Variants in RANBP2 observed in about 807,000 individuals in gnomAD.
RANBP2 encodes E3 SUMO-protein ligase RanBP2.
RANBP2 carries 57 observed loss-of-function variants against 303.6 expected under a neutral mutation model. The observed-to-expected ratio is 0.19, with a 90% confidence interval of 0.15 to 0.23. The LOEUF (loss-of-function observed/expected upper bound fraction) is 0.23, where lower values mean the gene tolerates loss of function less well. RANBP2 is among the 10% of genes least tolerant of loss of function. RANBP2 has a pLI of 1.00. For synonymous variants in RANBP2, 1,167 were observed against 1,301.5 expected (o/e 0.90, Z 2.23); for missense variants, 3,138 against 3,780.8 (o/e 0.83, Z 4.46).
chr2:108,800,608 CTTTTTTTTTTTTTTTT>C, the RANBP2 span, among the ~76,000 whole-genome samples: 2 of 33,492 alleles, frequency 6.0e-5, no homozygotes, highest in African/African-American at 2.8e-4. Flanking sequence ...CTCAGTTTAG[CTTTTTTTTTTTTTTTT>C]TTTTTTTTTT....
the RANBP2 span, among the ~76,000 whole-genome samples, chr2:109,281,991 C>T: frequency 1.3e-5 from 2 of 152,020 alleles, no homozygotes; most frequent in South Asian, 2.1e-4. Flanking sequence ...GCCAGGCTTT[C>T]GGGATGCTCC....
chr2:108,742,339 C>G (rs1363200545), intron 7 of RANBP2, among the ~76,000 whole-genome samples: 1 of 148,068 alleles, frequency 6.8e-6, no homozygotes, highest in Non-Finnish European at 1.5e-5. Flanking sequence ...GAGTCTCGCT[C>G]TGTCACCAGG....
chr2:109,419,531 G>T, the RANBP2 span: 1 of 1,586,864 alleles, frequency 6.3e-7, no homozygotes, highest in Non-Finnish European at 8.6e-7. Flanking sequence ...CCTCTTGTCT[G>T]TTTCCAGGAT....
At chr2:108,788,072 G>C (rs1351244799), downstream of RANBP2, 6 of 1,598,292 alleles carry the variant, frequency 3.8e-6, no homozygotes, top group Non-Finnish European at 5.1e-6. Flanking sequence ...TATAAGAGAA[G>C]AACTCTAACC....
chr2:109,393,441 C>T, the RANBP2 span, among the ~76,000 whole-genome samples: 1 of 152,206 alleles, frequency 6.6e-6, no homozygotes, highest in African/African-American at 2.4e-5. Flanking sequence ...CGGAGTTGGC[C>T]TCTGTGAAGG....
the RANBP2 span, among the ~76,000 whole-genome samples, chr2:109,186,024 T>G: frequency 6.6e-6 from 1 of 152,214 alleles, no homozygotes; most frequent in Non-Finnish European, 1.5e-5. Flanking sequence ...TTTTATTCCC[T>G]TAGTCACTGG....
the RANBP2 span, among the ~76,000 whole-genome samples, chr2:108,953,914 A>C: frequency 6.6e-6 from 1 of 152,234 alleles, no homozygotes; most frequent in Non-Finnish European, 1.5e-5. Flanking sequence ...ATCCTTTGAA[A>C]TAATGTTTTT....
chr2:108,913,881 C>T, the RANBP2 span, among the ~76,000 whole-genome samples: 2 of 140,464 alleles, frequency 1.4e-5, no homozygotes, highest in South Asian at 2.3e-4. Flanking sequence ...ACCCAGGAGG[C>T]GGAGCTTGCA....
intron 4 of RANBP2, among the ~76,000 whole-genome samples, chr2:108,733,348 TTC>T (rs915941984): frequency 1.4e-5 from 2 of 143,112 alleles, no homozygotes; most frequent in African/African-American, 5.1e-5. Flanking sequence ...TCACTGCAAC[TTC>T]TGCCTCCCGG....
chr2:109,012,318 T>C, the RANBP2 span, among the ~76,000 whole-genome samples: 7 of 152,190 alleles, frequency 4.6e-5, no homozygotes, highest in Non-Finnish European at 7.3e-5. Flanking sequence ...GTGGGGGGTC[T>C]CCACACTTGG....
At chr2:108,865,441 A>G in the RANBP2 span, among the ~76,000 whole-genome samples, 444 of 152,182 alleles carry the variant, frequency 2.9e-3, 3 homozygotes, top group African/African-American at 0.01. Flanking sequence ...TGGGGAAAAT[A>G]TTTCCTTGTT....
At chr2:109,612,388 G>T in the RANBP2 span, among the ~76,000 whole-genome samples, 1 of 152,180 alleles carries the variant, frequency 6.6e-6, no homozygotes, top group Non-Finnish European at 1.5e-5. Flanking sequence ...TATCTTCACT[G>T]TATCAATCAA....
the RANBP2 span, among the ~76,000 whole-genome samples, chr2:109,661,245 G>A: frequency 3.0e-5 from 2 of 66,856 alleles, no homozygotes; most frequent in Non-Finnish European, 6.6e-5. Flanking sequence ...TAGTAGAAGG[G>A]CTTTTTTTTT....
chr2:108,864,162 G>T, the RANBP2 span, among the ~76,000 whole-genome samples: 1 of 151,090 alleles, frequency 6.6e-6, no homozygotes, highest in African/African-American at 2.4e-5. Context: ...CTCATATTTT[G>T]TGAAAAAAAA....
At chr2:108,880,257 A>G in the RANBP2 span, among the ~76,000 whole-genome samples, 100 of 151,972 alleles carry the variant, frequency 6.6e-4, no homozygotes, top group South Asian at 0.02. Flanking sequence ...ACAGATTGCT[A>G]ATACCAAAAA....
chr2:109,722,030 A>G, the RANBP2 span, among the ~76,000 whole-genome samples: 1 of 152,234 alleles, frequency 6.6e-6, no homozygotes, highest in Non-Finnish European at 1.5e-5. Context: ...CAAATAGCCT[A>G]CAGAGCTTTA....
At chr2:109,613,323 A>G in the RANBP2 span, 1 of 407,228 alleles carries the variant, frequency 2.5e-6, no homozygotes, top group African/African-American at 2.1e-5. Flanking sequence ...ATGGAGGAAA[A>G]CTTGGACGAC....
chr2:109,424,481 T>A, the RANBP2 span, among the ~76,000 whole-genome samples: 1 of 151,854 alleles, frequency 6.6e-6, no homozygotes, highest in African/African-American at 2.4e-5. Context: ...ATACTGCATT[T>A]TTTTTACAAA....
chr2:108,982,593 G>A, the RANBP2 span, among the ~76,000 whole-genome samples: 1 of 152,272 alleles, frequency 6.6e-6, no homozygotes, highest in Middle Eastern at 3.4e-3. Flanking sequence ...ATTCTCCAGC[G>A]CCATTTCCCT....
Sources: gnomAD v4.1 joint callset for allele counts (sites outside exome capture counted in the v4.1 genomes callset) on GRCh38, gnomAD v4.1.1 for gene constraint, MANE v1.5 for transcripts, NCBI Gene and HGNC (gene_info 2026-07-23, HGNC 2026-07-21) for gene names.